Variants in LMO3 observed in about 807,000 individuals in gnomAD.
LMO3 encodes LIM domain only 3.
Under a neutral mutation model 15.8 loss-of-function variants are expected in LMO3, and 2 were observed. That is an observed-to-expected ratio of 0.13 (90% CI 0.05 to 0.40). The LOEUF (loss-of-function observed/expected upper bound fraction) is 0.40. Among genes scored for constraint, LMO3 ranks in the 10% least tolerant of loss-of-function variants. The probability of loss-of-function intolerance (pLI) is 0.99; values close to 1 mark genes in which losing one functional copy is unlikely to be tolerated. For missense variants in LMO3, 86 were observed against 182.2 expected (o/e 0.47, Z 3.04); for synonymous variants, 62 against 63.8 (o/e 0.97, Z 0.13).
intron 2 of LMO3, among the ~76,000 whole-genome samples, chr12:16,583,426 A>G (rs113969159): frequency 3.3e-5 from 5 of 152,324 alleles, no homozygotes; most frequent in African/African-American, 1.2e-4. Flanking sequence ...TTGACAGTCA[A>G]GTAATTGTAG....
chr12:16,562,913 C>A (rs1002954611), intron 2 of LMO3, among the ~76,000 whole-genome samples: 2 of 152,202 alleles, frequency 1.3e-5, no homozygotes, highest in African/African-American at 2.4e-5. Flanking sequence ...TTATAGCCTT[C>A]CAATTTGTTG....
Position 16,582,706 on chromosome 12 carries a change from G to A in LMO3, c.206+17949C>T, listed in dbSNP as rs1329285087. ...CAACAAGATCACCGTTCCTAGGTAC[G>A]GTCCCTCACTCTTTTAAGTATCTGA... is the stretch of plus-strand genomic sequence containing the variant. On this transcript the variant is annotated intron_variant, in intron 2 of 3. Transcript: ENST00000537304. The surrounding 1 kb of genome is among the most constrained non-coding windows in gnomAD (Gnocchi z 4.1). Among the ~76,000 whole-genome samples, 1 of 152,056 alleles carries A rather than the reference G, an allele frequency of 6.6e-6. No individual in the cohort carries two copies. The highest frequency in any genetic ancestry group is 1.5e-5 in the Non-Finnish European group (1 of 68,024).
intron 2 of LMO3, among the ~76,000 whole-genome samples, chr12:16,574,640 A>C (rs1427277822): frequency 2.6e-5 from 4 of 152,170 alleles, no homozygotes; most frequent in African/African-American, 9.7e-5. Flanking sequence ...TTACTGACAC[A>C]ATGGAGCTAA....
chr12:16,566,228 T>C (rs1374093731), intron 2 of LMO3, among the ~76,000 whole-genome samples: 1 of 151,158 alleles, frequency 6.6e-6, no homozygotes, highest in African/African-American at 2.4e-5. Flanking sequence ...GCATAGTGAT[T>C]ACCAGAGACT....
Position 16,591,009 on chromosome 12 carries a change from C to T in LMO3, c.206+9646G>A, listed in dbSNP as rs1179887996. On this transcript the variant is annotated intron_variant, in intron 2 of 3. Transcript: ENST00000537304. This position sits in a 1 kb window ranked among gnomAD's most constrained non-coding sequence, Gnocchi z 4.1. The stretch of plus-strand genomic sequence containing the variant: ...AATTCAGCAGATGAATTCTATAATC[C>T]CAAATGAAATTGATTTCACAACTGC... Among the ~76,000 whole-genome samples the T allele has an allele frequency of 6.6e-6, 1 of 151,848 alleles. No homozygotes were observed. The highest frequency in any genetic ancestry group is 1.5e-5 in the Non-Finnish European group (1 of 67,926).
intron 2 of LMO3, among the ~76,000 whole-genome samples, chr12:16,581,723 CTTTT>C (rs971435953): frequency 1.3e-5 from 2 of 151,738 alleles, no homozygotes; most frequent in Non-Finnish European, 2.9e-5. Context: ...AAATAGAGGA[CTTTT>C]TTTTCAGCAG....
chr12:16,605,581 T>A (rs1039436399), intron 1 of LMO3: 1 of 654,220 alleles, frequency 1.5e-6, no homozygotes, highest in South Asian at 2.1e-5. Flanking sequence ...GAAGTGGGGG[T>A]TCATGAATTC....
At chr12:16,581,348 G>A (rs189700093) in intron 2 of LMO3, among the ~76,000 whole-genome samples, 87 of 152,250 alleles carry the variant, frequency 5.7e-4, no homozygotes, top group African/African-American at 1.8e-3. Context: ...CAGCCTCAGT[G>A]CCTTCTTCTC....
In LMO3 at chr12:16,576,617, A is replaced by AGC. The variant is rs1943004149; in HGVS notation, c.207-16081_207-16080dup. ...TTTGTCTCTTTCTCACTACATAATAAGCTCCCTGAAAACTTGCCTTCTCCT... is the reference window on the plus strand; with the variant it reads ...TTTGTCTCTTTCTCACTACATAATAAGCGCTCCCTGAAAACTTGCCTTCTCCT... On this transcript the variant is annotated intron_variant, in intron 2 of 3. Transcript: ENST00000537304. This position sits in a 1 kb window ranked among gnomAD's most constrained non-coding sequence, Gnocchi z 4.1. Among the ~76,000 whole-genome samples, 1 of 152,134 alleles carries AGC rather than the reference A, an allele frequency of 6.6e-6. No individual in the cohort carries two copies. Among genetic ancestry groups the AGC allele is most frequent in the South Asian group, 2.1e-4 (1 of 4,820 alleles).
Position 16,599,844 on chromosome 12 carries a change from T to G in LMO3, c.206+811A>C, listed in dbSNP as rs1203495701. The G allele has an allele frequency of 6.6e-6, 1 of 152,146 alleles. No individual in the cohort carries two copies. The highest frequency in any genetic ancestry group is 1.5e-5 in the Non-Finnish European group (1 of 68,028). The allele number at this position is 152,146 out of a possible 1,614,324, so 9.4% of individuals were successfully genotyped here. ...GAACACCTGCCTTGTCCTGAAAGCA[T>G]TCAGATGTTTACAGGTTGGAGAGTG... On this transcript the variant is annotated intron_variant, in intron 2 of 3. Coordinates refer to ENST00000537304, the MANE Select transcript of LMO3 (RefSeq NM_018640.5). This position sits in a 1 kb window ranked among gnomAD's most constrained non-coding sequence, Gnocchi z 4.1.
At chr12:16,574,251 A>G (rs1480260103) in intron 2 of LMO3, among the ~76,000 whole-genome samples, 1 of 152,190 alleles carries the variant, frequency 6.6e-6, no homozygotes, top group African/African-American at 2.4e-5. Flanking sequence ...AACAATGTAT[A>G]AACGATGACT....
At chr12:16,558,639 T>C (rs1942278671) in intron 3 of LMO3, among the ~76,000 whole-genome samples, 1 of 152,126 alleles carries the variant, frequency 6.6e-6, no homozygotes, top group Admixed American at 6.5e-5. Flanking sequence ...CAGTACTTGC[T>C]GGGAAGAGTC....
chr12:16,583,200 G>A (rs1208197441), intron 2 of LMO3, among the ~76,000 whole-genome samples: 1 of 152,174 alleles, frequency 6.6e-6, no homozygotes, highest in Non-Finnish European at 1.5e-5. Flanking sequence ...GCAATTGGAT[G>A]TCAGTAACAG....
At chr12:16,601,972 C>A (rs975636665) in intron 1 of LMO3, 81 of 152,298 alleles carry the variant, frequency 5.3e-4, no homozygotes, top group African/African-American at 1.9e-3. Flanking sequence ...TAAAGTACTG[C>A]AGACATCATC....
chr12:16,556,264 T>A (rs1452804125), intron 3 of LMO3, among the ~76,000 whole-genome samples: 2 of 152,216 alleles, frequency 1.3e-5, no homozygotes, highest in Non-Finnish European at 2.9e-5. Context: ...TAACCTGTTA[T>A]ATAGAATCTT....
intron 2 of LMO3, among the ~76,000 whole-genome samples, chr12:16,567,164 C>T (rs1178116446): frequency 2.0e-5 from 3 of 151,978 alleles, no homozygotes; most frequent in Admixed American, 1.3e-4. Context: ...CCATTGCACT[C>T]CAGCCTGGGC....
At chr12:16,580,415 A>G (rs1943123524) in intron 2 of LMO3, among the ~76,000 whole-genome samples, 1 of 152,248 alleles carries the variant, frequency 6.6e-6, no homozygotes, top group African/African-American at 2.4e-5. Flanking sequence ...GGTCTCTTTA[A>G]TAAGTGAATG....
chr12:16,558,704 A>T (rs959418183), intron 3 of LMO3, among the ~76,000 whole-genome samples: 5 of 152,174 alleles, frequency 3.3e-5, no homozygotes, highest in African/African-American at 7.2e-5. Flanking sequence ...TTACATTATA[A>T]GGTACATTAG....
intron 2 of LMO3, 113 bp downstream of exon 2, chr12:16,600,542 T>C: frequency 1.1e-6 from 1 of 887,414 alleles, no homozygotes; most frequent in East Asian, 2.6e-5. Flanking sequence ...AGGTAACTTC[T>C]TTCAGGAATA....
Sources: allele counts gnomAD v4.1 joint callset (sites outside exome capture counted in the v4.1 genomes callset), GRCh38; gene constraint gnomAD v4.1.1; non-coding constraint Gnocchi (gnomAD v3.1); transcripts MANE v1.5; gene names NCBI Gene and HGNC (gene_info 2026-07-23, HGNC 2026-07-21).